The following ESRRB variants were observed in gnomAD, a reference collection of about 807,000 sequenced individuals.
ESRRB encodes the protein steroid hormone receptor ERR2.
A neutral mutation model predicts 46.0 loss-of-function variants in ESRRB; 16 were observed. The ratio of observed to expected loss-of-function variants is 0.35; its 90% confidence interval spans 0.24 to 0.53. ESRRB has a LOEUF of 0.53. ESRRB is among the 20% of genes least tolerant of loss of function. ESRRB has a pLI of 0.93. For synonymous variants in ESRRB, 246 were observed against 259.6 expected, an observed-to-expected ratio of 0.95 and a Z score of 0.50; for missense variants, 488 against 607.4, an observed-to-expected ratio of 0.80 and a Z score of 2.07.
chr14:76,471,676 A>G (rs927507824), intron 3 of ESRRB, among the ~76,000 whole-genome samples: 1 of 152,232 alleles, frequency 6.6e-6, no homozygotes, highest in African/African-American at 2.4e-5. Flanking sequence ...CTTCTCAGAA[A>G]GGCCTCCCTA....
At chr14:76,381,454 T>G (rs1016396875) in intron 1 of ESRRB, among the ~76,000 whole-genome samples, 5 of 152,020 alleles carry the variant, frequency 3.3e-5, no homozygotes, top group Non-Finnish European at 5.9e-5. Context: ...AGATCCGTAG[T>G]TGGGAGGATT....
intron 1 of ESRRB, among the ~76,000 whole-genome samples, chr14:76,320,848 C>G (rs551669996): frequency 3.9e-5 from 6 of 152,264 alleles, no homozygotes; most frequent in African/African-American, 1.4e-4. Flanking sequence ...GGAGGAATGA[C>G]ATTGTTTCCT....
At chr14:76,327,159 G>A (rs1410163194) in intron 1 of ESRRB, among the ~76,000 whole-genome samples, 1 of 152,248 alleles carries the variant, frequency 6.6e-6, no homozygotes, top group East Asian at 1.9e-4. Flanking sequence ...GGTTGCCAAG[G>A]GATTCTCAAC....
chr14:76,311,735 T>C (rs1208245203), intron 1 of ESRRB, among the ~76,000 whole-genome samples: 1 of 152,226 alleles, frequency 6.6e-6, no homozygotes, highest in East Asian at 1.9e-4. Flanking sequence ...GTGAGGCTTG[T>C]CAAAGCTGTG....
At chr14:76,340,581 G>A (rs867823155) in intron 1 of ESRRB, among the ~76,000 whole-genome samples, 1 of 152,212 alleles carries the variant, frequency 6.6e-6, no homozygotes, top group African/African-American at 2.4e-5. Context: ...CTGAAATGAG[G>A]TGTGTGCAGG....
chr14:76,358,323 A>AAAG (rs1884410890), intron 1 of ESRRB, among the ~76,000 whole-genome samples: 1 of 53,100 alleles, frequency 1.9e-5, no homozygotes, highest in African/African-American at 6.4e-5. Context: ...AAAAAAAAAA[A>AAAG]AAAGAAAGAA....
rs1889820674 is a variant in ESRRB at position 76,481,948 on chromosome 14, A to G, written c.578-68A>G. 2.0e-6 allele frequency: 3 copies of G among 1,473,414 alleles called. No individual in the cohort carries two copies. The South Asian group carries it at 3.5e-5, about 17-fold the overall frequency. 91.3% of individuals were successfully genotyped at this position (1,473,414 alleles called of 1,614,324 possible). ...AGGACCCAGCCAGTGCTGAAATTCCAAAGTCAGTGCTTCTACCCTGGTGAT... is the reference window on the plus strand; with the variant it reads ...AGGACCCAGCCAGTGCTGAAATTCCGAAGTCAGTGCTTCTACCCTGGTGAT... On this transcript the variant is annotated intron_variant, in intron 3 of 6. Coordinates refer to ENST00000644823, the MANE Select transcript of ESRRB (RefSeq NM_001379180.1).
intron 2 of ESRRB, among the ~76,000 whole-genome samples, chr14:76,451,428 G>T (rs1466400861): frequency 6.6e-6 from 1 of 152,158 alleles, no homozygotes; most frequent in Non-Finnish European, 1.5e-5. Context: ...GTGTAACTAA[G>T]TGCCTGGCAC....
intron 1 of ESRRB, among the ~76,000 whole-genome samples, chr14:76,322,800 C>G (rs890073069): frequency 6.6e-6 from 1 of 152,206 alleles, no homozygotes; most frequent in African/African-American, 2.4e-5. Context: ...GCCTCCTCGC[C>G]CACTCTCCTG....
chr14:76,393,815 T>C (rs1344957473), intron 1 of ESRRB, among the ~76,000 whole-genome samples: 1 of 152,194 alleles, frequency 6.6e-6, no homozygotes, highest in Non-Finnish European at 1.5e-5. Context: ...GGATTCTTTT[T>C]TTTGAGACAG....
intron 1 of ESRRB, among the ~76,000 whole-genome samples, chr14:76,333,942 T>A (rs1013807213): frequency 6.6e-6 from 1 of 152,014 alleles, no homozygotes; most frequent in Non-Finnish European, 1.5e-5. Flanking sequence ...CTGTGTGACC[T>A]CAGATAAGCT....
At position 76,498,354 on chromosome 14, in the gene ESRRB, C is replaced by G. The variant is rs948871827; in HGVS notation, c.1261C>G (p.Arg421Gly). 7 of 1,610,392 alleles carry G rather than the reference C, an allele frequency of 4.3e-6. No homozygotes were observed. The highest frequency in any genetic ancestry group is 5.9e-6 in the Non-Finnish European group (7 of 1,178,668). Reference sequence around the variant, plus strand: ...GCTGCTGCTGACACTGCCGCTGCTGCGGCAGACGGCCGCCAAGGCCGTGCA... The same window carrying G: ...GCTGCTGCTGACACTGCCGCTGCTGGGGCAGACGGCCGCCAAGGCCGTGCA... ...GKLLLTLPLL[R>G]QTAAKAVQHF... is the part of the protein sequence containing the mutation. Residue 421 changes from arginine to glycine, a missense_variant, in exon 7 of 7, where the codon CGG becomes GGG. Physicochemically the swap from Arg to Gly is moderately radical, Grantham distance 125. Coordinates refer to ENST00000644823, the MANE Select transcript of ESRRB (RefSeq NM_001379180.1).
intron 2 of ESRRB, among the ~76,000 whole-genome samples, chr14:76,454,366 C>T (rs1013966103): frequency 6.6e-6 from 1 of 152,168 alleles, no homozygotes; most frequent in Non-Finnish European, 1.5e-5. Context: ...AAAAAGCACA[C>T]AGTTCAGAAG....
intron 1 of ESRRB, among the ~76,000 whole-genome samples, chr14:76,408,011 G>A (rs1273197832): frequency 6.6e-6 from 1 of 152,144 alleles, no homozygotes; most frequent in African/African-American, 2.4e-5. Context: ...AGGTCACATA[G>A]GCACTGGCCA....
At chr14:76,492,373 C>T (rs780627363) in intron 6 of ESRRB, among the ~76,000 whole-genome samples, 2 of 152,162 alleles carry the variant, frequency 1.3e-5, no homozygotes, top group Non-Finnish European at 2.9e-5. Flanking sequence ...CACTATGTTG[C>T]CCAGGTTGGT....
intron 1 of ESRRB, among the ~76,000 whole-genome samples, chr14:76,362,410 G>A (rs1484403124): frequency 6.6e-6 from 1 of 152,170 alleles, no homozygotes; most frequent in Non-Finnish European, 1.5e-5. Context: ...AAATCCATCA[G>A]TGTATCATGA....
chr14:76,475,023 G>A (rs546531344), intron 3 of ESRRB, among the ~76,000 whole-genome samples: 12 of 152,216 alleles, frequency 7.9e-5, no homozygotes, highest in African/African-American at 2.6e-4. Context: ...GAGGTCAGGA[G>A]TTCGAGACCA....
At chr14:76,328,598 A>G (rs1883965472) in intron 1 of ESRRB, among the ~76,000 whole-genome samples, 1 of 125,164 alleles carries the variant, frequency 8.0e-6, no homozygotes. Context: ...TTGTCCTTCC[A>G]CTGCCCTTGA....
At chr14:76,421,446 G>T (rs1258876957) in intron 1 of ESRRB, among the ~76,000 whole-genome samples, 1 of 152,190 alleles carries the variant, frequency 6.6e-6, no homozygotes. Context: ...TTTGCACATA[G>T]CAAGTGCTTA....
Sources: gnomAD v4.1 joint callset for allele counts (sites outside exome capture counted in the v4.1 genomes callset) on GRCh38, gnomAD v4.1.1 for gene constraint, MANE v1.5 for transcripts, NCBI Gene and HGNC (gene_info 2026-07-23, HGNC 2026-07-21) for gene names.